Variants in MIPOL1 observed in about 807,000 individuals in gnomAD.
MIPOL1 encodes mirror-image polydactyly 1.
In MIPOL1, 57 loss-of-function variants were observed where a neutral mutation model predicts 60.9. The ratio of observed to expected loss-of-function variants is 0.94; its 90% CI spans 0.76 to 1.17. MIPOL1 has a LOEUF of 1.17. Ranked by LOEUF, MIPOL1 falls within the 50% of genes most tolerant of loss-of-function variation. The pLI, the probability that MIPOL1 is intolerant of heterozygous loss-of-function variation, is 0.00. For missense variants in MIPOL1, 551 were observed against 511.6 expected, an observed-to-expected ratio of 1.08 and a Z score of -0.74; for synonymous variants, 179 against 168.8, an observed-to-expected ratio of 1.06 and a Z score of -0.47.
chr14:37,506,799 A>T (rs2095280939), intron 12 of MIPOL1: 1 of 152,208 alleles, frequency 6.6e-6, no homozygotes, highest in African/African-American at 2.4e-5. Flanking sequence ...CTATCATCAG[A>T]GTGAACAGGC....
chr14:37,231,093 G>GTAT (rs1007728859), intron 1 of MIPOL1, among the ~76,000 whole-genome samples: 4 of 151,850 alleles, frequency 2.6e-5, no homozygotes, highest in African/African-American at 9.7e-5. Context: ...GATTTTATTA[G>GTAT]TATTATTATT....
intron 10 of MIPOL1, among the ~76,000 whole-genome samples, chr14:37,406,919 A>T (rs1310061208): frequency 6.6e-6 from 1 of 152,130 alleles, no homozygotes; most frequent in Non-Finnish European, 1.5e-5. Context: ...AAGAAGTCTC[A>T]GTATTTAAGT....
At position 37,549,658 on chromosome 14, in the gene MIPOL1, C is replaced by T. The variant is rs1048554940; in HGVS notation, c.*2687C>T. ...TGTTGTGATAGTACCATCTCTTTCA[C>T]ATACTACATACAAATTCCCTAATAA... On this transcript the variant is annotated 3_prime_UTR_variant, in exon 13 of 13. Transcript: ENST00000684589. 2 of 151,910 alleles carry T rather than the reference C, an allele frequency of 1.3e-5. No homozygotes were observed. Among genetic ancestry groups the T allele is most frequent in the Admixed American group, 6.6e-5 (1 of 15,244 alleles). The allele number at this position is 151,910 out of a possible 1,614,324, so 9.4% of individuals were successfully genotyped here.
intron 10 of MIPOL1, among the ~76,000 whole-genome samples, chr14:37,386,666 T>G (rs8008543): frequency 0.058 from 8,785 of 152,022 alleles, 887 homozygotes; most frequent in African/African-American, 0.2. Flanking sequence ...TTATTTTATT[T>G]GGATAATTGT....
At chr14:37,526,369 C>CTTTTT (rs1191140443) in intron 12 of MIPOL1, among the ~76,000 whole-genome samples, 8 of 128,166 alleles carry the variant, frequency 6.2e-5, no homozygotes, top group Non-Finnish European at 8.4e-5. Flanking sequence ...TACTTCTTTT[C>CTTTTT]TTTTTTTTTT....
intron 10 of MIPOL1, among the ~76,000 whole-genome samples, chr14:37,389,375 T>G (rs2093170164): frequency 6.6e-6 from 1 of 152,144 alleles, no homozygotes; most frequent in African/African-American, 2.4e-5. Flanking sequence ...ATCCCAGAGT[T>G]AACATGTATG....
At chr14:37,355,725 A>C (rs2091764046) in intron 9 of MIPOL1, among the ~76,000 whole-genome samples, 1 of 134,698 alleles carries the variant, frequency 7.4e-6, no homozygotes, top group African/African-American at 2.7e-5. Flanking sequence ...TGCATTCTTC[A>C]TGTAGTTCTC....
Position 37,499,939 on chromosome 14 carries a change from C to G in MIPOL1, c.1063C>G (p.Leu355Val), listed in dbSNP as rs144560349. ...CAAATCTTTATCTCAAGAAGAAAAT[C>G]TGAAGGATCAGTTTAACTATACCCT... The part of the protein sequence containing the change: ...LHKSLSQEEN[L>V]KDQFNYTLST... Residue 355 changes from leucine to valine, a missense_variant, in exon 12 of 13, where the codon CTG becomes GTG. By Grantham distance (32) the Leu-to-Val change is conservative. Coordinates refer to ENST00000684589, the MANE Select transcript of MIPOL1 (RefSeq NM_001388067.1). The G allele has an allele frequency of 3.8e-6, 6 of 1,591,280 alleles. No homozygotes were observed. In the African/African-American group the frequency reaches 8.1e-5, roughly 21 times the overall value.
At chr14:37,307,196 A>G (rs1382383005) in intron 7 of MIPOL1, among the ~76,000 whole-genome samples, 1 of 151,834 alleles carries the variant, frequency 6.6e-6, no homozygotes, top group Non-Finnish European at 1.5e-5. Context: ...GAAAACAGAA[A>G]CTTGGATATC....
intron 3 of MIPOL1, 151 bp from the exon 4 acceptor site, chr14:37,266,787 C>A (rs569394442): frequency 1.6e-6 from 1 of 637,794 alleles, no homozygotes; most frequent in Non-Finnish European, 2.7e-6. Flanking sequence ...TACAACTTAT[C>A]CCAATGCTTA....
chr14:37,400,165 A>T (rs1317431370), intron 10 of MIPOL1: 1 of 152,110 alleles, frequency 6.6e-6, no homozygotes, highest in Non-Finnish European at 1.5e-5. Context: ...ACTGACTTGG[A>T]GGCTGTTAAA....
At chr14:37,524,555 T>A (rs2095433970) in intron 12 of MIPOL1, among the ~76,000 whole-genome samples, 1 of 69,944 alleles carries the variant, frequency 1.4e-5, no homozygotes, top group Admixed American at 1.6e-4. Flanking sequence ...ACATCTTAAT[T>A]TTTCTTTTTC....
chr14:37,462,826 G>T (rs1413940992), intron 11 of MIPOL1, among the ~76,000 whole-genome samples: 2 of 152,092 alleles, frequency 1.3e-5, no homozygotes, highest in East Asian at 1.9e-4. Context: ...GTACCTTATT[G>T]TTCATACCAC....
At chr14:37,390,755 G>A (rs2093213825) in intron 10 of MIPOL1, among the ~76,000 whole-genome samples, 1 of 151,884 alleles carries the variant, frequency 6.6e-6, no homozygotes, top group Non-Finnish European at 1.5e-5. Context: ...AAGGAATTTG[G>A]GGAGAGGAGA....
chr14:37,430,070 A>AT (rs961636544), intron 11 of MIPOL1, among the ~76,000 whole-genome samples: 1 of 152,070 alleles, frequency 6.6e-6, no homozygotes, highest in Non-Finnish European at 1.5e-5. Context: ...GGTGACATAA[A>AT]TTTTTTGTCA....
intron 11 of MIPOL1, among the ~76,000 whole-genome samples, chr14:37,424,685 T>C (rs2153553692): frequency 6.6e-6 from 1 of 152,316 alleles, no homozygotes; most frequent in South Asian, 2.1e-4. Context: ...TTGGGAATCA[T>C]TTGCTTTTGC....
intron 10 of MIPOL1, among the ~76,000 whole-genome samples, chr14:37,378,913 C>A (rs1258712927): frequency 1.3e-5 from 2 of 152,038 alleles, no homozygotes; most frequent in African/African-American, 4.8e-5. Flanking sequence ...AAGCCAAGAT[C>A]ATTCTAATGC....
At chr14:37,202,966 T>C (rs1965555010) in intron 1 of MIPOL1, among the ~76,000 whole-genome samples, 3 of 152,178 alleles carry the variant, frequency 2.0e-5, no homozygotes, top group Non-Finnish European at 4.4e-5. Flanking sequence ...GCAAATCTTA[T>C]TACTAGTACG....
At chr14:37,328,875 A>G (rs2089434069) in intron 9 of MIPOL1, among the ~76,000 whole-genome samples, 1 of 152,176 alleles carries the variant, frequency 6.6e-6, no homozygotes, top group South Asian at 2.1e-4. Context: ...GTTCAGAGAG[A>G]AGTGTCACTG....
Sources: gnomAD v4.1 joint callset for allele counts (sites outside exome capture counted in the v4.1 genomes callset) on GRCh38, gnomAD v4.1.1 for gene constraint, MANE v1.5 for transcripts, NCBI Gene and HGNC (gene_info 2026-07-23, HGNC 2026-07-21) for gene names.